Variants in F2 observed in about 807,000 individuals in gnomAD.
The protein encoded by F2 is coagulation factor II, thrombin.
F2 carries 34 observed loss-of-function variants against 81.9 expected under a neutral mutation model. The observed-to-expected ratio is 0.42, with a 90% CI of 0.32 to 0.55. F2 has a LOEUF of 0.55. Ranked by LOEUF, F2 falls within the 20% of genes least tolerant of loss-of-function variation. F2 has a pLI of 0.18. For missense variants in F2, 630 were observed against 833.4 expected (o/e 0.76, Z 3.00); for synonymous variants, 296 against 326.4 (o/e 0.91, Z 1.01).
At position 46,726,944 on chromosome 11, in the gene F2, G is replaced by A. The variant is rs2064878380; in HGVS notation, c.1130+107G>A. ...GGCCTGGGCTTTACAGATGACAACA[G>A]CTGAGCATCCAGGATCCCACCAACT... On this transcript the variant is annotated intron_variant, in intron 9 of 13. Coordinates refer to ENST00000311907, the MANE Select transcript of F2 (RefSeq NM_000506.5). The surrounding 1 kb of genome is among the most constrained non-coding windows in gnomAD (Gnocchi z 5.9). 1 of 1,552,612 alleles carries A rather than the reference G, an allele frequency of 6.4e-7. No homozygotes were observed. The highest frequency in any genetic ancestry group is 1.4e-5 in the African/African-American group (1 of 73,792).
Position 46,729,446 on chromosome 11 carries a change from C to T in F2, c.1539C>T (p.Ala513=). 1 of 1,614,134 alleles carries T rather than the reference C, an allele frequency of 6.2e-7. No homozygotes were observed. The highest frequency in any genetic ancestry group is 8.5e-7 in the Non-Finnish European group (1 of 1,180,030). ...GCAACCTGAAGGAGACGTGGACAGCCAACGTTGGTAAGGGGCAGCCCAGTG... is the reference window on the plus strand; with the variant it reads ...GCAACCTGAAGGAGACGTGGACAGCTAACGTTGGTAAGGGGCAGCCCAGTG... The part of the protein sequence containing the change: ...GWGNLKETWT[A]NVGKGQPSVL... Residue 513 remains alanine (A), a synonymous_variant, in exon 12 of 14, where the codon GCC becomes GCT. Transcript: ENST00000311907.
In F2 at chr11:46,723,175, C is replaced by T. The variant is rs772828284; in HGVS notation, c.317-5C>T. ...CCAAGGCTGACCGGGGTGGGGTCTCCGCAGGTAACTGTGCTGAGGGTCTGG... is the reference window on the plus strand; with the variant it reads ...CCAAGGCTGACCGGGGTGGGGTCTCTGCAGGTAACTGTGCTGAGGGTCTGG... On this transcript the variant is annotated splice_polypyrimidine_tract_variant and splice_region_variant and intron_variant, in intron 4 of 13. Transcript: ENST00000311907. The surrounding 1 kb of genome is among the most constrained non-coding windows in gnomAD (Gnocchi z 5.6). The T allele has an allele frequency of 1.1e-5, 17 of 1,613,106 alleles. No homozygotes were observed. The highest frequency in any genetic ancestry group is 5.3e-5 in the African/African-American group (4 of 74,854).
At chr11:46,720,766 G>C (rs751709961) in intron 3 of F2, 24 bp from the exon 4 acceptor site, 1 of 1,613,912 alleles carries the variant, frequency 6.2e-7, no homozygotes, top group Non-Finnish European at 8.5e-7. Context: ...CAATCCCAAA[G>C]GTAAACACCT....
rs2064878667 is a variant in F2, at chr11:46,726,996, TG to T, written c.1130+160del. 6.6e-6 allele frequency among the ~76,000 whole-genome samples: 1 copy of T among 152,154 alleles called. No homozygotes were observed. Among genetic ancestry groups the T allele is most frequent in the African/African-American group, 2.4e-5 (1 of 41,452 alleles). ...CACACAGCAGCCACATGAGATGGGT[TG>T]TTTACTTCTTTTTTTTTGTTTCTTA... On this transcript the variant is annotated intron_variant, in intron 9 of 13. Transcript: ENST00000311907. This position sits in a 1 kb window ranked among gnomAD's most constrained non-coding sequence, Gnocchi z 5.9.
chr11:46,728,857 T>A lies in F2; in HGVS notation c.1472+20T>A. 1.2e-6 allele frequency: 2 copies of A among 1,612,420 alleles called. No homozygotes were observed. The highest frequency in any genetic ancestry group is 1.7e-6 in the Non-Finnish European group (2 of 1,179,534). On this transcript the variant is annotated intron_variant, in intron 11 of 13. Transcript: ENST00000311907. This position sits in a 1 kb window ranked among gnomAD's most constrained non-coding sequence, Gnocchi z 5.1. ...AGCCAGGTGGGCCACCAGATGCTTG[T>A]TAGCTGAGGGGCAGAAGCCAAGTTC...
intron 4 of F2, 150 bp downstream of exon 4, chr11:46,720,990 GTACCTGGC>G (rs2064832597): frequency 1.3e-6 from 1 of 759,778 alleles, no homozygotes; most frequent in Admixed American, 2.2e-5. Context: ...ATGTCTCTTT[GTACCTGGC>G]TCTGTGTCTG....
chr11:46,725,684 C>T (rs2064867120), intron 6 of F2, among the ~76,000 whole-genome samples, 175 bp from the exon 7 acceptor site: 1 of 152,228 alleles, frequency 6.6e-6, no homozygotes, highest in South Asian at 2.1e-4. Flanking sequence ...CTCAACAAAC[C>T]TGCAAAAGTG....
At chr11:46,722,366 G>A (rs942506005) in intron 4 of F2, among the ~76,000 whole-genome samples, 12 of 151,892 alleles carry the variant, frequency 7.9e-5, no homozygotes, top group Non-Finnish European at 1.3e-4. Flanking sequence ...TGAGGTGGGC[G>A]CCCAGGCCAG....
rs372324273 is a variant in F2 at position 46,734,149 on chromosome 11, G to A, written c.1654+4588G>A. 6.6e-5 allele frequency among the ~76,000 whole-genome samples: 10 copies of A among 152,038 alleles called. No homozygotes were observed. In the South Asian group the frequency reaches 1.9e-3, roughly 28 times the overall value. On this transcript the variant is annotated intron_variant, in intron 12 of 13. Coordinates refer to ENST00000311907, the MANE Select transcript of F2 (RefSeq NM_000506.5). ...GTCTTGCTTTGTCACCCAGGCTGGA[G>A]TGCAATGGTGCAATCTTGGCTCACT...
Position 46,728,541 on chromosome 11 carries a change from G to A in F2, c.1299-123G>A, listed in dbSNP as rs1169226903. On this transcript the variant is annotated intron_variant, in intron 10 of 13. Transcript: ENST00000311907. The surrounding 1 kb of genome is among the most constrained non-coding windows in gnomAD (Gnocchi z 5.1). ...CAGGGGGCTGCCATGGCAGGAACCAGCCCTATCCCCTCCCTGGTGGCCTGC... is the reference window on the plus strand; with the variant it reads ...CAGGGGGCTGCCATGGCAGGAACCAACCCTATCCCCTCCCTGGTGGCCTGC... 1.7e-5 allele frequency: 19 copies of A among 1,134,372 alleles called. No individual in the cohort carries two copies. The East Asian group carries it at 3.9e-4, about 23-fold the overall frequency. The allele number at this position is 1,134,372 out of a possible 1,614,324, so 70.3% of individuals were successfully genotyped here.
intron 12 of F2, among the ~76,000 whole-genome samples, chr11:46,738,069 C>T (rs1361229464): frequency 6.6e-6 from 1 of 152,038 alleles, no homozygotes; most frequent in East Asian, 1.9e-4. Context: ...GCAATCCCGG[C>T]TCACTGCAAC....
At chr11:46,724,941 T>C (rs1470386668) in intron 6 of F2, among the ~76,000 whole-genome samples, 1 of 151,974 alleles carries the variant, frequency 6.6e-6, no homozygotes, top group East Asian at 1.9e-4. Context: ...TGGCTAATTT[T>C]TTTTTATGTT....
chr11:46,724,276 A>C (rs1039015138), intron 6 of F2, among the ~76,000 whole-genome samples: 1 of 152,036 alleles, frequency 6.6e-6, no homozygotes, highest in Admixed American at 6.6e-5. Flanking sequence ...TCTTTTTCCC[A>C]TGAGGGTTGG....
Position 46,726,111 on chromosome 11 carries a change from G to A in F2, c.812G>A (p.Gly271Asp), listed in dbSNP as rs762057374. Residue 271 changes from glycine (G) to aspartate (D), a missense_variant, in exon 7 of 14, where the codon GGC becomes GAC. By Grantham distance (94) the Gly-to-Asp change is moderately conservative. Coordinates refer to ENST00000311907, the MANE Select transcript of F2 (RefSeq NM_000506.5). This position sits in a 1 kb window ranked among gnomAD's most constrained non-coding sequence, Gnocchi z 5.9. ...CGCAACCCAGACGGGGATGAGGAGG[G>A]CGTGTGGTGCTATGTGGCCGGGAAG... Reference protein sequence around the residue: ...FCRNPDGDEEGVWCYVAGKPG... With the variant: ...FCRNPDGDEEDVWCYVAGKPG... 1.2e-6 allele frequency: 2 copies of A among 1,614,088 alleles called. No individual in the cohort carries two copies. Among genetic ancestry groups the A allele is most frequent in the Non-Finnish European group, 1.7e-6 (2 of 1,180,052 alleles).
At position 46,726,850 on chromosome 11, in the gene F2, G is replaced by T; in HGVS notation, c.1130+13G>T. 6.2e-7 allele frequency: 1 copy of T among 1,613,532 alleles called. No individual in the cohort carries two copies. The highest frequency in any genetic ancestry group is 8.5e-7 in the Non-Finnish European group (1 of 1,179,498). ...GCATGTCACCTTGGTGTGTCCTGGA[G>T]CCCTGCGCTACCATTCACTCCTGGG... is the stretch of plus-strand genomic sequence containing the variant. On this transcript the variant is annotated intron_variant, in intron 9 of 13. Transcript: ENST00000311907. This position sits in a 1 kb window ranked among gnomAD's most constrained non-coding sequence, Gnocchi z 5.9.
rs777830312 is a variant in F2, at chr11:46,723,307, C to CCA, written c.422+24_422+25dup. 1 of 1,613,430 alleles carries CCA rather than the reference C, an allele frequency of 6.2e-7. No homozygotes were observed. Among genetic ancestry groups the CCA allele is most frequent in the Admixed American group, 1.7e-5 (1 of 60,008 alleles). On this transcript the variant is annotated intron_variant, in intron 5 of 13. Coordinates refer to ENST00000311907, the MANE Select transcript of F2 (RefSeq NM_000506.5). This position sits in a 1 kb window ranked among gnomAD's most constrained non-coding sequence, Gnocchi z 5.6. ...CTGAGTGAGTGAGGGGCCGGCCTTC[C>CCA]CACCATGGGCTGAGAACAGGGAGCA...
chr11:46,721,715 A>T (rs1188467204), intron 4 of F2, among the ~76,000 whole-genome samples: 1 of 152,174 alleles, frequency 6.6e-6, no homozygotes, highest in East Asian at 1.9e-4. Flanking sequence ...TATTTATAAG[A>T]GACAGGGTCT....
Position 46,728,968 on chromosome 11 carries a change from C to A in F2, c.1472+131C>A. 1 of 811,266 alleles carries A rather than the reference C, an allele frequency of 1.2e-6. No homozygotes were observed. Among genetic ancestry groups the A allele is most frequent in the Non-Finnish European group, 2.0e-6 (1 of 503,984 alleles). 50.3% of individuals were successfully genotyped at this position (811,266 alleles called of 1,614,324 possible). A position where few individuals can be genotyped will look rare whatever the true frequency, so the allele number is the denominator to read the frequency against. On this transcript the variant is annotated intron_variant, in intron 11 of 13. Coordinates refer to ENST00000311907, the MANE Select transcript of F2 (RefSeq NM_000506.5). The surrounding 1 kb of genome is among the most constrained non-coding windows in gnomAD (Gnocchi z 5.1). ...GTTTCTTGGAGTGAACCCAAAAGTT[C>A]TTTTCAGTACTGGCGTTTTATTTTT...
At chr11:46,736,125 C>A (rs1196215331) in intron 12 of F2, among the ~76,000 whole-genome samples, 1 of 152,148 alleles carries the variant, frequency 6.6e-6, no homozygotes, top group Non-Finnish European at 1.5e-5. Context: ...ATCACTTGAA[C>A]CTGGGAGGAG....
Sources: allele counts gnomAD v4.1 joint callset (sites outside exome capture counted in the v4.1 genomes callset), GRCh38; gene constraint gnomAD v4.1.1; non-coding constraint Gnocchi (gnomAD v3.1); transcripts MANE v1.5; gene names NCBI Gene and HGNC (gene_info 2026-07-23, HGNC 2026-07-21).